Variants in CTNNA3 observed in about 807,000 individuals in gnomAD.
CTNNA3 encodes the protein catenin alpha-3.
A neutral mutation model predicts 95.7 loss-of-function variants in CTNNA3; 76 were observed. That is an observed-to-expected ratio of 0.79 (90% CI 0.66 to 0.96). CTNNA3 has a LOEUF of 0.96. Among genes scored for constraint, CTNNA3 ranks in the 40% least tolerant of loss-of-function variants. The pLI is 0.00. For synonymous variants in CTNNA3, 431 were observed against 374.4 expected, an observed-to-expected ratio of 1.15 and a Z score of -1.74; for missense variants, 1,191 against 1,089.8, an observed-to-expected ratio of 1.09 and a Z score of -1.31.
chr10:66,103,226 A>G lies in CTNNA3; in HGVS notation c.1908T>C (p.Val636=). ...MIRTPEELED[V]SDLEEEHEVR... ...CCTCGTGTTCCTCTTCAAGGTCAGA[A>G]ACATCCTCCAGTTCCTCTGGGGTCT... The change falls in exon 14 of 18, where the codon GTT becomes GTC. Residue 636 remains valine, a synonymous_variant. Transcript: ENST00000433211. The G allele has an allele frequency of 6.2e-7, 1 of 1,614,092 alleles. No homozygotes were observed.
intron 5 of CTNNA3, among the ~76,000 whole-genome samples, chr10:67,321,030 C>T (rs1053295472): frequency 8.5e-5 from 13 of 152,202 alleles, no homozygotes; most frequent in Admixed American, 2.0e-4. Context: ...CCCCACACAA[C>T]GCTTTTGGTT....
chr10:67,027,878 G>T (rs1853487997), intron 7 of CTNNA3, among the ~76,000 whole-genome samples: 2 of 152,220 alleles, frequency 1.3e-5, no homozygotes, highest in Non-Finnish European at 2.9e-5. Flanking sequence ...GCTTCTGAAT[G>T]ATAAGCTCTT....
chr10:66,895,054 C>A (rs376917345), intron 7 of CTNNA3, among the ~76,000 whole-genome samples: 266 of 115,374 alleles, frequency 2.3e-3, no homozygotes, highest in East Asian at 3.2e-3. Flanking sequence ...AACAAATAAA[C>A]AAAAAAAAAA....
At chr10:66,107,849 A>G in intron 13 of CTNNA3, among the ~76,000 whole-genome samples, 1 of 152,174 alleles carries the variant, frequency 6.6e-6, no homozygotes, top group East Asian at 1.9e-4. Context: ...AGAAATAAAA[A>G]GTATTAAAAA....
At chr10:67,089,161 C>T (rs978890981) in intron 7 of CTNNA3, among the ~76,000 whole-genome samples, 1 of 151,942 alleles carries the variant, frequency 6.6e-6, no homozygotes, top group Non-Finnish European at 1.5e-5. Context: ...GCCAATCCCC[C>T]ATGGATACTG....
chr10:66,169,482 A>T (rs1015521408), intron 13 of CTNNA3, among the ~76,000 whole-genome samples: 1 of 152,136 alleles, frequency 6.6e-6, no homozygotes, highest in Non-Finnish European at 1.5e-5. Flanking sequence ...TGCTATAAAC[A>T]TGCGTGTGCA....
chr10:67,068,119 T>C (rs1257227891), intron 7 of CTNNA3, among the ~76,000 whole-genome samples: 2 of 152,164 alleles, frequency 1.3e-5, no homozygotes, highest in Non-Finnish European at 2.9e-5. Context: ...TTTTGGAAAC[T>C]ATTTAGAGAA....
intron 5 of CTNNA3, among the ~76,000 whole-genome samples, chr10:67,493,209 G>C (rs1838910703): frequency 6.8e-6 from 1 of 147,232 alleles, no homozygotes; most frequent in Non-Finnish European, 1.5e-5. Flanking sequence ...CTCAACGTGG[G>C]GGAAAAAAAA....
chr10:67,360,882 CA>C (rs1199470731), intron 5 of CTNNA3, among the ~76,000 whole-genome samples: 1 of 152,018 alleles, frequency 6.6e-6, no homozygotes, highest in African/African-American at 2.4e-5. Flanking sequence ...CTGAGGATTA[CA>C]ATTCGACATG....
intron 3 of CTNNA3, among the ~76,000 whole-genome samples, chr10:67,562,581 G>A (rs1475777366): frequency 6.6e-6 from 1 of 152,160 alleles, no homozygotes; most frequent in Non-Finnish European, 1.5e-5. Flanking sequence ...ACTGGCACAA[G>A]ACAGGGATGC....
At chr10:66,881,885 TA>T (rs1844864652) in intron 7 of CTNNA3, among the ~76,000 whole-genome samples, 1 of 152,132 alleles carries the variant, frequency 6.6e-6, no homozygotes, top group Non-Finnish European at 1.5e-5. Flanking sequence ...AATAACCAGG[TA>T]ATGTACGATG....
intron 11 of CTNNA3, among the ~76,000 whole-genome samples, chr10:66,407,824 C>T (rs191401831): frequency 1.2e-3 from 183 of 152,270 alleles, no homozygotes; most frequent in African/African-American, 4.4e-3. Flanking sequence ...TGCGATCCAC[C>T]CGCCCTGGCC....
At chr10:67,701,610 C>G (rs1841040137) in intron 1 of CTNNA3, among the ~76,000 whole-genome samples, 1 of 152,154 alleles carries the variant, frequency 6.6e-6, no homozygotes, top group South Asian at 2.1e-4. Flanking sequence ...TGCCCTAAAA[C>G]AGCTCCTGAA....
At position 66,525,072 on chromosome 10, in the gene CTNNA3, GA is replaced by G. The variant is rs549389657; in HGVS notation, c.1375-4300del. Among the ~76,000 whole-genome samples, 81 of 151,736 alleles carry G rather than the reference GA, an allele frequency of 5.3e-4. 1 individual carries two copies. The highest frequency in any genetic ancestry group is 2.0e-3 in the African/African-American group (81 of 41,366). Reference sequence around the variant, plus strand: ...TTCAAATAAAAAAAAGAAAAGAAAAGAAAGAAAGAAAGACAAAAATAAACAG... The same window carrying G: ...TTCAAATAAAAAAAAGAAAAGAAAAGAAGAAAGAAAGACAAAAATAAACAG... On this transcript the variant is annotated intron_variant, in intron 10 of 17. Coordinates refer to ENST00000433211, the MANE Select transcript of CTNNA3 (RefSeq NM_013266.4).
intron 7 of CTNNA3, among the ~76,000 whole-genome samples, chr10:67,172,502 A>G (rs1262567096): frequency 1.3e-5 from 2 of 152,162 alleles, no homozygotes; most frequent in Non-Finnish European, 2.9e-5. Context: ...CATCATATGT[A>G]TTCTTGTGTT....
chr10:67,319,896 CAA>C (rs11418140), intron 5 of CTNNA3, among the ~76,000 whole-genome samples: 99 of 102,872 alleles, frequency 9.6e-4, no homozygotes, highest in African/African-American at 3.5e-3. Flanking sequence ...GACTCAGTCT[CAA>C]AAAAAAAAAA....
chr10:67,755,584 T>C (rs763610678), intron 1 of CTNNA3, among the ~76,000 whole-genome samples: 1 of 151,770 alleles, frequency 6.6e-6, no homozygotes, highest in Non-Finnish European at 1.5e-5. Flanking sequence ...GATGGATCAT[T>C]TGAGGTCAGG....
chr10:67,088,133 C>A (rs1226365561), intron 7 of CTNNA3, among the ~76,000 whole-genome samples: 2 of 151,306 alleles, frequency 1.3e-5, no homozygotes, highest in Admixed American at 1.3e-4. Flanking sequence ...TTGAGAGATG[C>A]CAAATGGGGA....
chr10:66,531,982 AG>A (rs1841481313), intron 10 of CTNNA3, among the ~76,000 whole-genome samples: 1 of 152,196 alleles, frequency 6.6e-6, no homozygotes, highest in South Asian at 2.1e-4. Flanking sequence ...GTTCAAATGG[AG>A]AAATTTAAAA....
Sources: allele counts gnomAD v4.1 joint callset (sites outside exome capture counted in the v4.1 genomes callset), GRCh38; gene constraint gnomAD v4.1.1; transcripts MANE v1.5; gene names NCBI Gene and HGNC (gene_info 2026-07-23, HGNC 2026-07-21).